Variants in BDP1 observed in about 807,000 individuals in gnomAD.
BDP1 encodes the protein BDP1 general transcription factor IIIB subunit.
BDP1 carries 169 observed loss-of-function variants against 266.6 expected under a neutral mutation model. The observed-to-expected ratio is 0.63, with a 90% CI of 0.56 to 0.72. The LOEUF (loss-of-function observed/expected upper bound fraction) is 0.72. Ranked by LOEUF, BDP1 falls within the 30% of genes least tolerant of loss-of-function variation. The pLI is 0.00. For synonymous variants in BDP1, 1,090 were observed against 1,022.4 expected, an observed-to-expected ratio of 1.07 and a Z score of -1.26; for missense variants, 3,015 against 3,053.8, an observed-to-expected ratio of 0.99 and a Z score of 0.30.
chr5:71,521,203 G>A (rs1375585088), intron 22 of BDP1, among the ~76,000 whole-genome samples: 3 of 147,862 alleles, frequency 2.0e-5, no homozygotes, highest in East Asian at 4.0e-4. Flanking sequence ...AAAAAAAAAA[G>A]ATTAGTTTTT....
intron 24 of BDP1, among the ~76,000 whole-genome samples, chr5:71,523,596 G>T (rs1219363268): frequency 6.6e-6 from 1 of 152,192 alleles, no homozygotes; most frequent in Non-Finnish European, 1.5e-5. Flanking sequence ...GTAGAGGCGT[G>T]AGCTACTGCG....
In BDP1 at chr5:71,513,407, T is replaced by C. The variant is rs1197657408; in HGVS notation, c.4470T>C (p.His1490=). Residue 1490 remains histidine (H), a splice_region_variant and synonymous_variant, in exon 19 of 39, where the codon CAT becomes CAC. Coordinates refer to ENST00000358731, the MANE Select transcript of BDP1 (RefSeq NM_018429.3). ...NEQTDTLPSQ[H]DEASLMISRE... ...AAACTGATACTCTCCCTTCTCAACA[T>C]GTGAGTGTATTTGAGATGGAAGTTC... 1.9e-6 allele frequency: 3 copies of C among 1,543,082 alleles called. No individual in the cohort carries two copies. In the South Asian group the frequency reaches 3.7e-5, roughly 19 times the overall value.
chr5:71,488,809 G>A (rs554759088), intron 9 of BDP1, among the ~76,000 whole-genome samples: 1 of 151,916 alleles, frequency 6.6e-6, no homozygotes, highest in East Asian at 1.9e-4. Context: ...CCGTGTTCAA[G>A]TGATTCTCCT....
chr5:71,506,847 G>T (rs1251425947), intron 16 of BDP1, among the ~76,000 whole-genome samples: 2 of 147,372 alleles, frequency 1.4e-5, no homozygotes, highest in African/African-American at 2.5e-5. Context: ...AAAGACAAGG[G>T]TCTTGCTCTG....
chr5:71,511,211 A>G (rs777340949), intron 17 of BDP1, 60 bp downstream of exon 17: 5 of 1,475,900 alleles, frequency 3.4e-6, no homozygotes, highest in Non-Finnish European at 4.6e-6. Flanking sequence ...GAAATAAATA[A>G]TTCCATGATT....
At chr5:71,517,235 A>G (rs925013775) in intron 21 of BDP1, 87 bp from the exon 22 acceptor site, 15 of 1,161,520 alleles carry the variant, frequency 1.3e-5, no homozygotes, top group Admixed American at 6.3e-5. Flanking sequence ...AGGGATTTTA[A>G]AAAACTAAAT....
chr5:71,522,763 C>A lies in BDP1; in HGVS notation c.5201C>A (p.Ala1734Asp). 1 of 1,582,152 alleles carries A rather than the reference C, an allele frequency of 6.3e-7. No individual in the cohort carries two copies. The highest frequency in any genetic ancestry group is 8.5e-7 in the Non-Finnish European group (1 of 1,170,654). The change falls in exon 24 of 39, where the codon GCT becomes GAT. Residue 1734 changes from alanine to aspartate, a missense_variant. Physicochemically the swap from Ala to Asp is moderately radical, Grantham distance 126. This residue lies in a region of BDP1 where 2,383 missense variants were observed against 2,404.9 expected (regional missense o/e 0.99). Coordinates refer to ENST00000358731, the MANE Select transcript of BDP1 (RefSeq NM_018429.3). ...TTTCTTCTTAAATTTAAGGAAAAAG[C>A]TGAGCTTCTGACATCTCTGGAGGTT... ...SNTQLLLKEK[A>D]ELLTSLEVSA...
rs760685308 is a variant in BDP1, at chr5:71,509,460, T to A, written c.2373-5T>A. On this transcript the variant is annotated splice_polypyrimidine_tract_variant and splice_region_variant and intron_variant, in intron 16 of 38. Transcript: ENST00000358731. ...TTGATTGTGTGCCCCCTTTTTTTTT[T>A]ATAGCGTTCAAGAGAATAATAAGGC... 1.6e-5 allele frequency: 24 copies of A among 1,538,680 alleles called. No homozygotes were observed. Among genetic ancestry groups the A allele is most frequent in the Admixed American group, 2.3e-5 (1 of 44,296 alleles).
At chr5:71,542,800 T>G (rs756566226) in intron 30 of BDP1, among the ~76,000 whole-genome samples, 1 of 152,190 alleles carries the variant, frequency 6.6e-6, no homozygotes, top group Non-Finnish European at 1.5e-5. Context: ...AGATAGTTAA[T>G]TAACACATAT....
chr5:71,530,510 C>G lies in BDP1; in HGVS notation c.5773-1798C>G, dbSNP rs190678. On this transcript the variant is annotated intron_variant, in intron 25 of 38. Transcript: ENST00000358731. ...CTGCCAACCTCAGCCTCCCAAAGTG[C>G]TGGGATTACAGGCATGAGCTACCGT... Among the ~76,000 whole-genome samples the G allele has an allele frequency of 2.5e-4, 38 of 152,054 alleles. No homozygotes were observed. The East Asian group carries it at 7.2e-3, about 29-fold the overall frequency.
chr5:71,561,439 T>C (rs1016743375), intron 37 of BDP1, among the ~76,000 whole-genome samples: 15 of 152,122 alleles, frequency 9.9e-5, no homozygotes, highest in Non-Finnish European at 4.4e-5. Context: ...TCATGAGAGT[T>C]TGGATTAAAA....
Position 71,509,466 on chromosome 5 carries a change from G to A in BDP1, c.2374G>A (p.Val792Ile), listed in dbSNP as rs550931390. The change falls in exon 17 of 39, where the codon GTT (valine) becomes ATT (isoleucine). Residue 792 changes from valine (V) to isoleucine (I), a missense_variant and splice_region_variant. Coordinates refer to ENST00000358731, the MANE Select transcript of BDP1 (RefSeq NM_018429.3). Reference protein sequence around the residue: ...EPKVLNECLSVQENNKANKLN... With the variant: ...EPKVLNECLSIQENNKANKLN... ...GTGTGCCCCCTTTTTTTTTTATAGCGTTCAAGAGAATAATAAGGCAAATAA... is the reference window on the plus strand; with the variant it reads ...GTGTGCCCCCTTTTTTTTTTATAGCATTCAAGAGAATAATAAGGCAAATAA... The A allele has an allele frequency of 6.9e-5, 107 of 1,561,216 alleles. 1 individual carries two copies. The South Asian group carries it at 9.7e-4, about 14-fold the overall frequency.
chr5:71,522,512 A>AG lies in BDP1; in HGVS notation c.5193+22_5193+23insG. ...AAAAGTAAGTTTGGGCAAAAAAAAA[A>AG]AAAAAATTTTTTTTCTCAATGAGGT... On this transcript the variant is annotated intron_variant, in intron 23 of 38. Coordinates refer to ENST00000358731, the MANE Select transcript of BDP1 (RefSeq NM_018429.3). The AG allele has an allele frequency of 1.9e-6, 3 of 1,572,994 alleles. No homozygotes were observed. The East Asian group carries it at 6.7e-5, about 35-fold the overall frequency.
At chr5:71,523,690 A>C (rs886496268) in intron 24 of BDP1, among the ~76,000 whole-genome samples, 1 of 152,208 alleles carries the variant, frequency 6.6e-6, no homozygotes, top group Non-Finnish European at 1.5e-5. Context: ...TTCATATTAC[A>C]GGAAAGAATG....
intron 38 of BDP1, among the ~76,000 whole-genome samples, chr5:71,563,265 A>G (rs1459680277): frequency 6.6e-6 from 1 of 152,052 alleles, no homozygotes; most frequent in Non-Finnish European, 1.5e-5. Flanking sequence ...CTCCTGTCTC[A>G]GCTTCTCGAT....
In BDP1 at chr5:71,497,380, CAG is replaced by C; in HGVS notation, c.1913_1914del (p.Glu638ValfsTer13). On this transcript the variant is annotated frameshift_variant, in exon 13 of 39. Coordinates refer to ENST00000358731, the MANE Select transcript of BDP1 (RefSeq NM_018429.3). LOFTEE classifies it high-confidence loss of function. Reference sequence around the variant, plus strand: ...AAATCAGTTCTTTCACAAGGCAAAACAGAGTCAGAGAGCAAGAATTCACATTC... The same window carrying C: ...AAATCAGTTCTTTCACAAGGCAAAACAGTCAGAGAGCAAGAATTCACATTC... The C allele has an allele frequency of 6.2e-7, 1 of 1,613,524 alleles. No individual in the cohort carries two copies. Among genetic ancestry groups the C allele is most frequent in the Non-Finnish European group, 8.5e-7 (1 of 1,179,816 alleles).
In BDP1 at chr5:71,470,389, T is replaced by G; in HGVS notation, c.920-6T>G. 1 of 1,575,274 alleles carries G rather than the reference T, an allele frequency of 6.3e-7. No individual in the cohort carries two copies. Among genetic ancestry groups the G allele is most frequent in the African/African-American group, 1.4e-5 (1 of 73,874 alleles). ...TTCAATCATTCTAAATCTTTTATTT[T>G]CACAGAAACAGATATGTTTTTTTTA... On this transcript the variant is annotated splice_polypyrimidine_tract_variant and splice_region_variant and intron_variant, in intron 6 of 38. Transcript: ENST00000358731.
At chr5:71,572,439 G>T (rs1211437101), downstream of BDP1, among the ~76,000 whole-genome samples, 1 of 152,304 alleles carries the variant, frequency 6.6e-6, no homozygotes, top group African/African-American at 2.4e-5. Context: ...TAGAGCAGAG[G>T]AACTGAAATT....
At position 71,502,638 on chromosome 5, in the gene BDP1, A is replaced by G; in HGVS notation, c.2088A>G (p.Leu696=). ...EKNCLQEGSQ[L]KALRPVQVRG... ...ATTGTCTGCAGGAAGGGAGTCAACT[A>G]AAGGCTTTAAGACCTGTACAAGTGA... Residue 696 remains leucine (L), a synonymous_variant, in exon 15 of 39, where the codon CTA becomes CTG. Coordinates refer to ENST00000358731, the MANE Select transcript of BDP1 (RefSeq NM_018429.3). 1 of 1,611,616 alleles carries G rather than the reference A, an allele frequency of 6.2e-7. No individual in the cohort carries two copies. The highest frequency in any genetic ancestry group is 8.5e-7 in the Non-Finnish European group (1 of 1,179,108).
Sources: gnomAD v4.1 joint callset for allele counts (sites outside exome capture counted in the v4.1 genomes callset) on GRCh38, gnomAD v4.1.1 for gene constraint, gnomAD v4.1.1 regional missense constraint, MANE v1.5 for transcripts, NCBI Gene and HGNC (gene_info 2026-07-23, HGNC 2026-07-21) for gene names.